Variants in CACNA2D2 observed in about 807,000 individuals in gnomAD.
CACNA2D2 encodes the protein calcium voltage-gated channel auxiliary subunit alpha2delta 2.
CACNA2D2 carries 48 observed loss-of-function variants against 166.4 expected under a neutral mutation model. The ratio of observed to expected loss-of-function variants is 0.29; its 90% CI spans 0.23 to 0.37. The LOEUF is 0.37. Among genes scored for constraint, CACNA2D2 ranks in the 10% least tolerant of loss-of-function variants. CACNA2D2 has a pLI of 1.00. For missense variants in CACNA2D2, 1,122 were observed against 1,433.0 expected (o/e 0.78, Z 3.50); for synonymous variants, 561 against 573.7 (o/e 0.98, Z 0.32).
At chr3:50,478,380 C>G (rs1559988811) in intron 1 of CACNA2D2, among the ~76,000 whole-genome samples, 1 of 152,198 alleles carries the variant, frequency 6.6e-6, no homozygotes, top group Non-Finnish European at 1.5e-5. Flanking sequence ...TGGGCTATCA[C>G]AGTCAGCCAG....
chr3:50,385,313 G>C (rs1332401871), intron 5 of CACNA2D2, among the ~76,000 whole-genome samples: 1 of 152,134 alleles, frequency 6.6e-6, no homozygotes, highest in Non-Finnish European at 1.5e-5. Flanking sequence ...TGATAGGAGA[G>C]ATCATAAGCA....
chr3:50,369,064 G>A (rs955170580), intron 23 of CACNA2D2, among the ~76,000 whole-genome samples: 1 of 152,214 alleles, frequency 6.6e-6, no homozygotes, highest in East Asian at 1.9e-4. Flanking sequence ...GGCTTGGTAA[G>A]GGCACATGGA....
intron 3 of CACNA2D2, among the ~76,000 whole-genome samples, chr3:50,403,334 TC>T (rs1253712018): frequency 6.6e-6 from 1 of 152,078 alleles, no homozygotes; most frequent in Non-Finnish European, 1.5e-5. Flanking sequence ...TGGTTCCCCC[TC>T]CCCCAAACTC....
At chr3:50,381,291 C>T (rs1301542645) in intron 6 of CACNA2D2, among the ~76,000 whole-genome samples, 165 bp from the exon 7 acceptor site, 3 of 152,072 alleles carry the variant, frequency 2.0e-5, no homozygotes, top group African/African-American at 4.8e-5. Context: ...GCCCCAGCTC[C>T]TCCAGGAAGA....
At chr3:50,480,974 G>A (rs1390882656) in intron 1 of CACNA2D2, among the ~76,000 whole-genome samples, 2 of 106,270 alleles carry the variant, frequency 1.9e-5, no homozygotes, top group Non-Finnish European at 3.9e-5. Flanking sequence ...AGAAGAGTCC[G>A]TGTGCAGATG....
intron 4 of CACNA2D2, 143 bp from the exon 5 acceptor site, chr3:50,387,755 G>T: frequency 1.5e-6 from 1 of 666,776 alleles, no homozygotes; most frequent in Non-Finnish European, 2.6e-6. Context: ...CCCCCTCCTG[G>T]AAGGGCCGGA....
chr3:50,364,799 G>A lies in CACNA2D2; in HGVS notation c.3299C>T (p.Thr1100Ile), dbSNP rs144632207. 2 of 1,610,702 alleles carry A rather than the reference G, an allele frequency of 1.2e-6. No individual in the cohort carries two copies. Among genetic ancestry groups the A allele is most frequent in the Non-Finnish European group, 1.7e-6 (2 of 1,178,844 alleles). The change falls in exon 38 of 38, where the codon ACC (threonine) becomes ATC (isoleucine). Residue 1100 changes from threonine to isoleucine, a missense_variant. Physicochemically the swap from Thr to Ile is moderately conservative, Grantham distance 89 (BLOSUM62 -1). This residue lies in a region of CACNA2D2 where 282 missense variants were observed against 266.2 expected (regional missense o/e 1.06). Transcript: ENST00000424201. ...GGAGGCCCCGCGGCCACAGTCTGAGGTATCTTCCTGCGGGGAGAGACAAGG... is the reference window on the plus strand; with the variant it reads ...GGAGGCCCCGCGGCCACAGTCTGAGATATCTTCCTGCGGGGAGAGACAAGG... ...ICFDYNATED[T>I]SDCGRGASFP...
rs768567846 is a variant in CACNA2D2 at position 50,380,768 on chromosome 3, G to A, written c.822C>T (p.Tyr274=). ...CTCACCAGGGTCTCCTTCGGACATC[G>A]TACAGGTCGATCTTCTTGGGGGCTC... ...PWRAPKKIDL[Y]DVRRRPWYIQ... The change falls in exon 8 of 38, where the codon TAC becomes TAT. Residue 274 remains tyrosine (Y), a synonymous_variant. Coordinates refer to ENST00000424201, the MANE Select transcript of CACNA2D2 (RefSeq NM_006030.4). The surrounding 1 kb of genome is among the most constrained non-coding windows in gnomAD (Gnocchi z 4.9). 3.4e-5 allele frequency: 53 copies of A among 1,549,786 alleles called. No homozygotes were observed. Among genetic ancestry groups the A allele is most frequent in the Middle Eastern group, 1.7e-4 (1 of 5,778 alleles).
At chr3:50,455,388 G>T (rs1216828124) in intron 2 of CACNA2D2, among the ~76,000 whole-genome samples, 1 of 152,138 alleles carries the variant, frequency 6.6e-6, no homozygotes, top group African/African-American at 2.4e-5. Context: ...CGTCAAAGCC[G>T]CCAGGACCAG....
intron 3 of CACNA2D2, among the ~76,000 whole-genome samples, chr3:50,421,275 C>A (rs1267031664): frequency 6.6e-6 from 1 of 152,200 alleles, no homozygotes; most frequent in Non-Finnish European, 1.5e-5. Context: ...GGCAGTCACG[C>A]AGGGAGATGG....
chr3:50,398,176 C>T (rs1706257195), intron 3 of CACNA2D2, among the ~76,000 whole-genome samples: 1 of 152,152 alleles, frequency 6.6e-6, no homozygotes, highest in African/African-American at 2.4e-5. Flanking sequence ...GCCTGCCTGT[C>T]TTGGGGAGAT....
intron 3 of CACNA2D2, among the ~76,000 whole-genome samples, chr3:50,420,627 G>A (rs1707506962): frequency 6.6e-6 from 1 of 152,172 alleles, no homozygotes; most frequent in African/African-American, 2.4e-5. Context: ...GTGGAGAGTG[G>A]GAGGGTGTGG....
intron 2 of CACNA2D2, among the ~76,000 whole-genome samples, chr3:50,469,367 T>C (rs1709967954): frequency 6.8e-6 from 1 of 146,958 alleles, no homozygotes; most frequent in African/African-American, 2.7e-5. Flanking sequence ...TTGGTGGCCT[T>C]TGTGCCATCT....
chr3:50,503,191 G>T, intron 1 of CACNA2D2, 27 bp downstream of exon 1: 1 of 1,171,080 alleles, frequency 8.5e-7, no homozygotes, highest in Non-Finnish European at 1.1e-6. Flanking sequence ...CTCGGCCGGG[G>T]TCTCGCGGCC....
Position 50,379,258 on chromosome 3 carries a change from C to G in CACNA2D2, c.1153-59G>C, listed in dbSNP as rs1289801966. ...AGCCCTCCCTGGTCCAGGGGCAGGG[C>G]CTCCCTCCCGCAGTGGGCCTGGACC... is the stretch of plus-strand genomic sequence containing the variant. On this transcript the variant is annotated intron_variant, in intron 11 of 37. Coordinates refer to ENST00000424201, the MANE Select transcript of CACNA2D2 (RefSeq NM_006030.4). This position sits in a 1 kb window ranked among gnomAD's most constrained non-coding sequence, Gnocchi z 6.5. The G allele has an allele frequency of 6.6e-7, 1 of 1,505,040 alleles. No homozygotes were observed. Among genetic ancestry groups the G allele is most frequent in the African/African-American group, 1.4e-5 (1 of 72,826 alleles). 93.2% of individuals were successfully genotyped at this position (1,505,040 alleles called of 1,614,324 possible). A position where few individuals can be genotyped will look rare whatever the true frequency, so the allele number is the denominator to read the frequency against.
chr3:50,437,127 G>C (rs907104132), intron 2 of CACNA2D2, among the ~76,000 whole-genome samples: 1 of 152,146 alleles, frequency 6.6e-6, no homozygotes, highest in Non-Finnish European at 1.5e-5. Context: ...TTCTGCCTGC[G>C]GCTGCATGAG....
chr3:50,389,060 C>T (rs1014950475), intron 4 of CACNA2D2, among the ~76,000 whole-genome samples: 7 of 152,336 alleles, frequency 4.6e-5, no homozygotes, highest in Non-Finnish European at 7.4e-5. Context: ...AAAGCCTTCG[C>T]ACCCTGGCTC....
At chr3:50,410,338 T>G (rs1052942052) in intron 3 of CACNA2D2, among the ~76,000 whole-genome samples, 5 of 152,244 alleles carry the variant, frequency 3.3e-5, no homozygotes, top group Non-Finnish European at 7.3e-5. Context: ...TCACTCATTC[T>G]CACAGGTGAA....
chr3:50,457,080 T>C (rs757349458), intron 2 of CACNA2D2, among the ~76,000 whole-genome samples: 7 of 152,116 alleles, frequency 4.6e-5, no homozygotes, highest in Non-Finnish European at 8.8e-5. Flanking sequence ...TGAAACCCTG[T>C]CTCTACTAAA....
Sources: allele counts gnomAD v4.1 joint callset (sites outside exome capture counted in the v4.1 genomes callset), GRCh38; gene constraint gnomAD v4.1.1; regional missense constraint gnomAD v4.1.1; non-coding constraint Gnocchi (gnomAD v3.1); transcripts MANE v1.5; gene names NCBI Gene and HGNC (gene_info 2026-07-23, HGNC 2026-07-21).